PHF3: variants seen among roughly 807,000 people sequenced by gnomAD.
The protein encoded by PHF3 is PHD finger protein 3.
A neutral mutation model predicts 178.4 loss-of-function variants in PHF3; 41 were observed. The observed-to-expected ratio is 0.23, with a 90% CI of 0.18 to 0.30. PHF3 has a LOEUF of 0.30. Ranked by LOEUF, PHF3 falls within the 10% of genes least tolerant of loss-of-function variation. The pLI is 1.00. For missense variants in PHF3, 2,346 were observed against 2,398.1 expected (o/e 0.98, Z 0.45); for synonymous variants, 842 against 800.5 (o/e 1.05, Z -0.88).
chr6:63,677,003 A>G (rs1340486440), intron 2 of PHF3, among the ~76,000 whole-genome samples: 1 of 152,170 alleles, frequency 6.6e-6, no homozygotes, highest in Admixed American at 6.5e-5. Context: ...CTAGAGTTTT[A>G]GAATTGAACT....
At chr6:63,641,043 A>T (rs565483225) in intron 1 of PHF3, among the ~76,000 whole-genome samples, 1 of 152,374 alleles carries the variant, frequency 6.6e-6, no homozygotes, top group East Asian at 1.9e-4. Context: ...AAGTTTGAGC[A>T]CAAGAAGTTT....
Position 63,694,695 on chromosome 6 carries a change from G to A in PHF3, c.2611G>A (p.Glu871Lys). Residue 871 changes from glutamate to lysine, a missense_variant, in exon 6 of 16, where the codon GAA (glutamate) becomes AAA (lysine). Around this residue, in one of 8 missense-constraint regions of PHF3, gnomAD observed 252 missense variants for 232.0 expected, o/e 1.09. Transcript: ENST00000262043. ...QPVLPRRSSE[E>K]KSEKIPKEST... ...AGTTTTACCTCGGAGATCCTCAGAA[G>A]AAAAAAGTGAAAAAATACCGAAAGA... The A allele has an allele frequency of 6.3e-7, 1 of 1,598,138 alleles. No individual in the cohort carries two copies. The highest frequency in any genetic ancestry group is 8.5e-7 in the Non-Finnish European group (1 of 1,172,296).
chr6:63,713,256 A>AT lies in PHF3; in HGVS notation c.5670dup (p.Arg1891SerfsTer8). 6.2e-7 allele frequency: 1 copy of AT among 1,614,102 alleles called. No individual in the cohort carries two copies. Among genetic ancestry groups the AT allele is most frequent in the Non-Finnish European group, 8.5e-7 (1 of 1,179,992 alleles). ...GCAGAATTTTTACCAGGTTAAAGAC[A>AT]TTCGGAGGCCAGAAAGGCGCCATAG... On this transcript the variant is annotated frameshift_variant, in exon 16 of 16. Transcript: ENST00000262043. LOFTEE classifies it high-confidence loss of function.
chr6:63,671,712 GTGT>G (rs1188253218), intron 2 of PHF3, among the ~76,000 whole-genome samples: 1 of 152,176 alleles, frequency 6.6e-6, no homozygotes, highest in African/African-American at 2.4e-5. Flanking sequence ...TCTGAGGGTT[GTGT>G]TTACATGCTT....
At chr6:63,655,965 AT>A (rs1019921337) in intron 2 of PHF3, among the ~76,000 whole-genome samples, 13 of 152,206 alleles carry the variant, frequency 8.5e-5, no homozygotes, top group African/African-American at 2.9e-4. Flanking sequence ...TTTCTAATAG[AT>A]TGTGCAGTTC....
intron 1 of PHF3, among the ~76,000 whole-genome samples, chr6:63,639,252 C>A (rs1311929383): frequency 1.3e-5 from 2 of 152,094 alleles, no homozygotes; most frequent in Non-Finnish European, 2.9e-5. Flanking sequence ...CTTTATTAGA[C>A]AGTTTCGAAG....
chr6:63,713,010 C>T lies in PHF3; in HGVS notation c.5422C>T (p.Leu1808Phe). The T allele has an allele frequency of 6.2e-6, 10 of 1,614,028 alleles. No homozygotes were observed. The highest frequency in any genetic ancestry group is 8.5e-6 in the Non-Finnish European group (10 of 1,179,974). ...GCCACAGCAGCCCAACCTTCAGCAT[C>T]TCAAGTCTAGCCCACCTGGATTTCC... ...MRPQQPNLQH[L>F]KSSPPGFPFP... Residue 1808 changes from leucine (L) to phenylalanine (F), a missense_variant, in exon 16 of 16, where the codon CTC (leucine) becomes TTC (phenylalanine). Leu to Phe is a conservative substitution (Grantham distance 22). Around this residue, in one of 8 missense-constraint regions of PHF3, gnomAD observed 839 missense variants for 806.9 expected, o/e 1.04. Transcript: ENST00000262043.
rs1187911340 is a variant in PHF3, at chr6:63,635,815, G to A, written c.-361G>A. 1 of 394,490 alleles carries A rather than the reference G, an allele frequency of 2.5e-6. No individual in the cohort carries two copies. The highest frequency in any genetic ancestry group is 4.5e-6 in the Non-Finnish European group (1 of 223,568). 24.4% of individuals were successfully genotyped at this position (394,490 alleles called of 1,614,324 possible). On this transcript the variant is annotated 5_prime_UTR_variant, in exon 1 of 16. Coordinates refer to ENST00000262043, the MANE Select transcript of PHF3 (RefSeq NM_001370348.2). ...GGAACGGTAAACAGTGGGGTCACGT[G>A]ACACGGCCCCTCTCCAGCTCCCGCG...
intron 2 of PHF3, among the ~76,000 whole-genome samples, chr6:63,651,865 T>C (rs1765033285): frequency 6.6e-6 from 1 of 152,190 alleles, no homozygotes; most frequent in African/African-American, 2.4e-5. Context: ...TGTGTTCCCA[T>C]AATGGCAGAA....
rs1768274461 is a variant in PHF3 at position 63,719,014 on chromosome 6, AG to A, written c.*5307del. Among the ~76,000 whole-genome samples, 1 of 152,004 alleles carries A rather than the reference AG, an allele frequency of 6.6e-6. No homozygotes were observed. The highest frequency in any genetic ancestry group is 2.1e-4 in the South Asian group (1 of 4,826). ...AGCAAAATTTGATGGAGTTGTTTTA[AG>A]TGGTTTCCGTTAAAAAAACAAACCT... is the stretch of plus-strand genomic sequence containing the variant. On this transcript the variant is annotated 3_prime_UTR_variant, in exon 16 of 16. Coordinates refer to ENST00000262043, the MANE Select transcript of PHF3 (RefSeq NM_001370348.2).
chr6:63,647,058 C>T (rs1384097001), intron 2 of PHF3, among the ~76,000 whole-genome samples: 2 of 151,162 alleles, frequency 1.3e-5, no homozygotes, highest in Non-Finnish European at 2.9e-5. Context: ...ATTTATTATC[C>T]AGTATGGGAC....
intron 2 of PHF3, among the ~76,000 whole-genome samples, chr6:63,667,084 A>C (rs976535240): frequency 6.6e-6 from 1 of 151,990 alleles, no homozygotes; most frequent in Non-Finnish European, 1.5e-5. Flanking sequence ...GGCTCAAGCA[A>C]TCCTCCTACC....
At chr6:63,636,244 C>T (rs1764325871) in intron 1 of PHF3, 94 bp downstream of exon 1, 1 of 307,134 alleles carries the variant, frequency 3.3e-6, no homozygotes, top group African/African-American at 2.2e-5. Flanking sequence ...GGCCTCTCCG[C>T]CCCTCCCGCG....
intron 2 of PHF3, among the ~76,000 whole-genome samples, chr6:63,677,706 A>G (rs1766231547): frequency 1.3e-5 from 2 of 152,088 alleles, no homozygotes; most frequent in Non-Finnish European, 2.9e-5. Flanking sequence ...AAACTTGGAA[A>G]AGTCAGAGAA....
At chr6:63,660,377 A>G (rs1008684024) in intron 2 of PHF3, among the ~76,000 whole-genome samples, 1 of 151,836 alleles carries the variant, frequency 6.6e-6, no homozygotes, top group Non-Finnish European at 1.5e-5. Context: ...CTTCATACTC[A>G]TTTTACAGTT....
Position 63,705,759 on chromosome 6 carries a change from C to A in PHF3, c.3368-270C>A, listed in dbSNP as rs572416521. 2.6e-5 allele frequency among the ~76,000 whole-genome samples: 4 copies of A among 152,214 alleles called. No individual in the cohort carries two copies. The South Asian group carries it at 8.3e-4, about 32-fold the overall frequency. On this transcript the variant is annotated intron_variant, in intron 11 of 15. Coordinates refer to ENST00000262043, the MANE Select transcript of PHF3 (RefSeq NM_001370348.2). ...TAACTTTATTACAGGTAGAACCATGCATGATTTGCTTTGAATTGCATTTCA... is the reference window on the plus strand; with the variant it reads ...TAACTTTATTACAGGTAGAACCATGAATGATTTGCTTTGAATTGCATTTCA...
chr6:63,697,639 C>T (rs897512647), intron 6 of PHF3, among the ~76,000 whole-genome samples: 17 of 152,066 alleles, frequency 1.1e-4, no homozygotes, highest in African/African-American at 4.1e-4. Context: ...ATTAAGTATA[C>T]GAGGGGCTGG....
Position 63,685,935 on chromosome 6 carries a change from T to C in PHF3, c.2189+24T>C, listed in dbSNP as rs370925136. On this transcript the variant is annotated intron_variant, in intron 4 of 15. Transcript: ENST00000262043. ...AGGTGTGTGTGTATGTGTGTATGAG[T>C]GATGTGTACATTGAAAATAAATTGC... is the stretch of plus-strand genomic sequence containing the variant. 16 of 1,515,984 alleles carry C rather than the reference T, an allele frequency of 1.1e-5. No homozygotes were observed. In the African/African-American group the frequency reaches 2.1e-4, roughly 20 times the overall value. The allele number at this position is 1,515,984 out of a possible 1,614,324, so 93.9% of individuals were successfully genotyped here.
chr6:63,636,417 G>C (rs1208762988), intron 1 of PHF3: 1 of 152,512 alleles, frequency 6.6e-6, no homozygotes, highest in Admixed American at 6.5e-5. Context: ...GCGGAGGGTC[G>C]GGACCACGGC....
Sources: gnomAD v4.1 joint callset for allele counts (sites outside exome capture counted in the v4.1 genomes callset) on GRCh38, gnomAD v4.1.1 for gene constraint, gnomAD v4.1.1 regional missense constraint, MANE v1.5 for transcripts, NCBI Gene and HGNC (gene_info 2026-07-23, HGNC 2026-07-21) for gene names.